SVOP: variants seen among roughly 807,000 people sequenced by gnomAD.
SVOP encodes synaptic vesicle 2-related protein.
Under a neutral mutation model 69.1 loss-of-function variants are expected in SVOP, and 17 were observed. The ratio of observed to expected loss-of-function variants is 0.25; its 90% CI spans 0.17 to 0.37. The LOEUF (loss-of-function observed/expected upper bound fraction) is 0.37. Among genes scored for constraint, SVOP ranks in the 10% least tolerant of loss-of-function variants. The probability of loss-of-function intolerance (pLI) is 1.00; values close to 1 mark genes in which losing one functional copy is unlikely to be tolerated. For missense variants in SVOP, 435 were observed against 597.5 expected (o/e 0.73, Z 2.84); for synonymous variants, 238 against 238.6 (o/e 1.00, Z 0.02).
At chr12:108,951,595 T>C (rs1200138472) in intron 6 of SVOP, among the ~76,000 whole-genome samples, 1 of 152,204 alleles carries the variant, frequency 6.6e-6, no homozygotes, top group African/African-American at 2.4e-5. Flanking sequence ...ATTCCTCTTA[T>C]CTGCCTTAAA....
chr12:108,986,663 G>T (rs1006096813), intron 1 of SVOP, among the ~76,000 whole-genome samples: 13 of 152,094 alleles, frequency 8.5e-5, no homozygotes, highest in Non-Finnish European at 1.6e-4. Flanking sequence ...CATGCAAGGG[G>T]CCAATAGGCA....
chr12:108,975,192 G>A (rs1014857205), intron 4 of SVOP, among the ~76,000 whole-genome samples: 2 of 152,178 alleles, frequency 1.3e-5, no homozygotes, highest in African/African-American at 4.8e-5. Context: ...TCCCCAAAAG[G>A]AGAGATTCTG....
chr12:108,995,454 A>C (rs375344466), intron 1 of SVOP, among the ~76,000 whole-genome samples: 10 of 152,322 alleles, frequency 6.6e-5, no homozygotes, highest in African/African-American at 2.4e-4. Context: ...GAACACTTAC[A>C]TTCACAGATG....
chr12:109,009,635 G>A (rs964056252), intron 1 of SVOP, among the ~76,000 whole-genome samples: 1 of 151,934 alleles, frequency 6.6e-6, no homozygotes, highest in African/African-American at 2.4e-5. Flanking sequence ...GGCTGGTCTC[G>A]AACTCCTAAC....
chr12:108,960,624 C>T (rs1566057723), intron 6 of SVOP, among the ~76,000 whole-genome samples: 1 of 152,212 alleles, frequency 6.6e-6, no homozygotes, highest in Admixed American at 6.5e-5. Flanking sequence ...CAATAACACA[C>T]ACCTCTTGGG....
chr12:109,005,156 T>G (rs770230955), intron 1 of SVOP, among the ~76,000 whole-genome samples: 1 of 152,192 alleles, frequency 6.6e-6, no homozygotes, highest in Non-Finnish European at 1.5e-5. Context: ...AAGCTGTGAT[T>G]ATCTGTGTGT....
At chr12:108,985,454 T>G (rs2040161586) in intron 1 of SVOP, among the ~76,000 whole-genome samples, 8 of 152,138 alleles carry the variant, frequency 5.3e-5, no homozygotes, top group Admixed American at 5.2e-4. Flanking sequence ...AAAGGGTCAC[T>G]TGAGTCCAGT....
At position 108,910,501 on chromosome 12, in the gene SVOP, T is replaced by C. The variant is rs2039675478; in HGVS notation, c.*2034A>G. On this transcript the variant is annotated 3_prime_UTR_variant, in exon 16 of 16. Coordinates refer to ENST00000610966, the MANE Select transcript of SVOP (RefSeq NM_018711.5). ...CCAGGAGAGCTCAGCTGTCCAGAAA[T>C]AATTAGAGCTACAGCCACACGTGGT... is the stretch of plus-strand genomic sequence containing the variant. 1 of 152,166 alleles carries C rather than the reference T, an allele frequency of 6.6e-6. No individual in the cohort carries two copies. Among genetic ancestry groups the C allele is most frequent in the South Asian group, 2.1e-4 (1 of 4,830 alleles). 9.4% of individuals were successfully genotyped at this position (152,166 alleles called of 1,614,324 possible).
intron 1 of SVOP, among the ~76,000 whole-genome samples, chr12:109,016,669 C>T (rs951265875): frequency 1.1e-4 from 16 of 152,014 alleles, no homozygotes; most frequent in Non-Finnish European, 2.4e-4. Flanking sequence ...TCAAATGTCA[C>T]TTCCTCAGGG....
intron 6 of SVOP, among the ~76,000 whole-genome samples, chr12:108,957,964 T>G (rs1372736069): frequency 6.6e-6 from 1 of 152,252 alleles, no homozygotes. Flanking sequence ...CTGGAGGAAC[T>G]GTTCTTAGGC....
At chr12:108,949,538 G>C (rs935688552) in intron 6 of SVOP, among the ~76,000 whole-genome samples, 4 of 151,950 alleles carry the variant, frequency 2.6e-5, no homozygotes, top group African/African-American at 9.7e-5. Context: ...CCAAAGTGCT[G>C]GGATTACAGG....
chr12:108,944,845 C>T (rs1424723991), intron 7 of SVOP, among the ~76,000 whole-genome samples: 1 of 152,184 alleles, frequency 6.6e-6, no homozygotes, highest in Non-Finnish European at 1.5e-5. Flanking sequence ...TCAAGAAAAA[C>T]ATACCCTTCC....
At chr12:108,971,927 G>T (rs531281838) in intron 5 of SVOP, among the ~76,000 whole-genome samples, 2 of 151,934 alleles carry the variant, frequency 1.3e-5, no homozygotes, top group Non-Finnish European at 2.9e-5. Flanking sequence ...ATTGGCGCAT[G>T]CTTGTAGTCC....
intron 6 of SVOP, among the ~76,000 whole-genome samples, 165 bp downstream of exon 6, chr12:108,960,758 A>T (rs950306693): frequency 6.6e-6 from 1 of 152,060 alleles, no homozygotes; most frequent in Non-Finnish European, 1.5e-5. Context: ...ACTGATAATG[A>T]TGCTATTTTC....
In SVOP at chr12:109,008,479, A is replaced by C. The variant is rs972605090; in HGVS notation, c.35+12355T>G. ...TAATGGAAATTTTAGTTCTCTGTGG[A>C]TTTTATTTATTTGCATTTTTCTGCC... On this transcript the variant is annotated intron_variant, in intron 1 of 15. Coordinates refer to ENST00000610966, the MANE Select transcript of SVOP (RefSeq NM_018711.5). 3.7e-4 allele frequency among the ~76,000 whole-genome samples: 56 copies of C among 152,210 alleles called. 2 individuals are homozygous for C. Among genetic ancestry groups the C allele is most frequent in the Admixed American group, 3.1e-3 (48 of 15,268 alleles).
rs995407295 is a variant in SVOP, at chr12:108,908,799, G to A, written c.*3736C>T. ...CAACAGCCATTGCTATCCTTCTTCT[G>A]TGCTAACAGAATCCCAATTTTGTGT... On this transcript the variant is annotated 3_prime_UTR_variant, in exon 16 of 16. Coordinates refer to ENST00000610966, the MANE Select transcript of SVOP (RefSeq NM_018711.5). 7 of 152,162 alleles carry A rather than the reference G, an allele frequency of 4.6e-5. No homozygotes were observed. Among genetic ancestry groups the A allele is most frequent in the Non-Finnish European group, 1.0e-4 (7 of 68,054 alleles). 9.4% of individuals were successfully genotyped at this position (152,162 alleles called of 1,614,324 possible).
intron 11 of SVOP, among the ~76,000 whole-genome samples, chr12:108,923,189 G>A (rs1286661321): frequency 6.6e-6 from 1 of 152,220 alleles, no homozygotes; most frequent in Non-Finnish European, 1.5e-5. Context: ...TGATTGTGTA[G>A]ATGGGGCCTG....
At chr12:108,993,156 C>T (rs1189403313) in intron 1 of SVOP, among the ~76,000 whole-genome samples, 3 of 152,048 alleles carry the variant, frequency 2.0e-5, no homozygotes, top group African/African-American at 7.2e-5. Context: ...TACAGGCACG[C>T]ACCACCACGC....
intron 5 of SVOP, among the ~76,000 whole-genome samples, chr12:108,967,359 C>T (rs947228000): frequency 1.6e-4 from 25 of 151,972 alleles, no homozygotes; most frequent in African/African-American, 6.0e-4. Context: ...ATTAGCCTGG[C>T]CTGGTGGCAC....
Sources: allele counts gnomAD v4.1 joint callset (sites outside exome capture counted in the v4.1 genomes callset), GRCh38; gene constraint gnomAD v4.1.1; transcripts MANE v1.5; gene names NCBI Gene and HGNC (gene_info 2026-07-23, HGNC 2026-07-21).